The following HEG1 variants were observed in gnomAD, a reference collection of about 807,000 sequenced individuals.
HEG1 encodes the protein protein HEG homolog 1.
In HEG1, 56 loss-of-function variants were observed where a neutral mutation model predicts 125.6. The observed-to-expected ratio is 0.45, with a 90% CI of 0.36 to 0.56. The LOEUF (loss-of-function observed/expected upper bound fraction) is 0.56, where lower values mean the gene tolerates loss of function less well. Ranked by LOEUF, HEG1 falls within the 20% of genes least tolerant of loss-of-function variation. The probability of loss-of-function intolerance (pLI) is 0.00; values close to 1 mark genes in which losing one functional copy is unlikely to be tolerated. For missense variants in HEG1, 1,523 were observed against 1,670.0 expected, an observed-to-expected ratio of 0.91 and a Z score of 1.53; for synonymous variants, 644 against 668.5, an observed-to-expected ratio of 0.96 and a Z score of 0.57.
chr3:125,050,962 T>C (rs894323671), intron 1 of HEG1, among the ~76,000 whole-genome samples: 2 of 152,118 alleles, frequency 1.3e-5, no homozygotes, highest in African/African-American at 4.8e-5. Flanking sequence ...CTGCATGGAG[T>C]ACCATTTAAC....
Position 125,055,690 on chromosome 3 carries a change from C to T in HEG1, c.201G>A (p.Thr67=), listed in dbSNP as rs1048578723. 1.7e-5 allele frequency: 19 copies of T among 1,114,412 alleles called. No individual in the cohort carries two copies. The highest frequency in any genetic ancestry group is 1.9e-5 in the Non-Finnish European group (17 of 914,102). The allele number at this position is 1,114,412 out of a possible 1,614,324, so 69.0% of individuals were successfully genotyped here. Residue 67 remains threonine (T), a synonymous_variant, in exon 1 of 17, where the codon ACG becomes ACA. Transcript: ENST00000311127. The part of the protein sequence containing the change: ...ERRPEREPPP[T]PPRERRGPAT... ...CGGGCCCGCGGCGCTCCCGGGGCGG[C>T]GTGGGCGGCGGCTCGCGCTCCGGGC...
rs1382509469 is a variant in HEG1 at position 124,967,824 on chromosome 3, A to G, written c.*2828T>C. 6.6e-6 allele frequency: 1 copy of G among 152,252 alleles called. No homozygotes were observed. Among genetic ancestry groups the G allele is most frequent in the Non-Finnish European group, 1.5e-5 (1 of 68,108 alleles). The allele number at this position is 152,252 out of a possible 1,614,324, so 9.4% of individuals were successfully genotyped here. On this transcript the variant is annotated 3_prime_UTR_variant, in exon 17 of 17. Coordinates refer to ENST00000311127, the MANE Select transcript of HEG1 (RefSeq NM_020733.2). The stretch of plus-strand genomic sequence containing the variant: ...TAGGAGCATGTCAGTTCATCCGCCT[A>G]AAGAAACAGACTCCAGGGCCTTAGG...
At position 124,990,761 on chromosome 3, in the gene HEG1, ATAATGGTCCACT is replaced by A. The variant is rs1475660160; in HGVS notation, c.3733+14_3733+25del. 2 of 1,555,210 alleles carry A rather than the reference ATAATGGTCCACT, an allele frequency of 1.3e-6. No individual in the cohort carries two copies. The highest frequency in any genetic ancestry group is 2.7e-5 in the African/African-American group (2 of 73,266). On this transcript the variant is annotated intron_variant, in intron 14 of 16. Transcript: ENST00000311127. ...AACAGGGCCAGGCCCCTGCCCACGC[ATAATGGTCCACT>A]TTTGTACACTTACGGTTTCCACAGT... is the stretch of plus-strand genomic sequence containing the variant.
chr3:125,042,071 T>C (rs1937597714), intron 1 of HEG1, among the ~76,000 whole-genome samples: 2 of 152,210 alleles, frequency 1.3e-5, no homozygotes, highest in Admixed American at 1.3e-4. Flanking sequence ...CTGAACTGTA[T>C]ACTTAAAAAT....
chr3:124,984,270 C>T lies in HEG1; in HGVS notation c.3734-6324G>A, dbSNP rs112841988. ...CAGTGGGGAAGGCAGACTCTCACTC[C>T]CTGCTGGCTACACTGGGAGGCTGTG... On this transcript the variant is annotated intron_variant, in intron 14 of 16. Coordinates refer to ENST00000311127, the MANE Select transcript of HEG1 (RefSeq NM_020733.2). 3.6e-3 allele frequency among the ~76,000 whole-genome samples: 549 copies of T among 152,244 alleles called. 1 individual carries two copies. Among genetic ancestry groups the T allele is most frequent in the African/African-American group, 0.013 (520 of 41,550 alleles).
At chr3:125,053,167 G>A (rs1200467089) in intron 1 of HEG1, among the ~76,000 whole-genome samples, 1 of 152,170 alleles carries the variant, frequency 6.6e-6, no homozygotes, top group African/African-American at 2.4e-5. Context: ...GGTGCTGGAG[G>A]GGCAGACATT....
At chr3:124,978,295 G>A (rs765727946) in intron 14 of HEG1, among the ~76,000 whole-genome samples, 10 of 152,112 alleles carry the variant, frequency 6.6e-5, no homozygotes, top group Non-Finnish European at 8.8e-5. Flanking sequence ...CTACAGGTGC[G>A]TGCCACCAGG....
chr3:124,975,279 T>G (rs984705380), intron 15 of HEG1, among the ~76,000 whole-genome samples: 2 of 151,906 alleles, frequency 1.3e-5, no homozygotes, highest in Admixed American at 6.6e-5. Context: ...TTTTGGGAGG[T>G]TCCCCCCATC....
intron 14 of HEG1, among the ~76,000 whole-genome samples, chr3:124,978,927 T>C (rs1036819200): frequency 4.0e-5 from 6 of 151,788 alleles, no homozygotes; most frequent in East Asian, 3.9e-4. Flanking sequence ...TTAATGGTGA[T>C]AGTAGATATA....
chr3:124,987,785 G>A (rs1353984512), intron 14 of HEG1, among the ~76,000 whole-genome samples: 1 of 150,914 alleles, frequency 6.6e-6, no homozygotes, highest in Non-Finnish European at 1.5e-5. Context: ...CTCCCAAAGT[G>A]CTGAGATTAC....
At chr3:124,978,743 G>A (rs1936593257) in intron 14 of HEG1, among the ~76,000 whole-genome samples, 1 of 151,470 alleles carries the variant, frequency 6.6e-6, no homozygotes, top group Non-Finnish European at 1.5e-5. Flanking sequence ...CGAGGTTGCT[G>A]TGAGCCGAGA....
intron 12 of HEG1, among the ~76,000 whole-genome samples, chr3:124,993,538 C>T (rs1936865947): frequency 6.6e-6 from 1 of 152,132 alleles, no homozygotes; most frequent in South Asian, 2.1e-4. Context: ...TGCAGCAGGA[C>T]GTGGGAGTGG....
intron 1 of HEG1, among the ~76,000 whole-genome samples, chr3:125,038,089 G>A (rs894168677): frequency 6.6e-6 from 1 of 152,198 alleles, no homozygotes; most frequent in Non-Finnish European, 1.5e-5. Context: ...ACCTTGGCAG[G>A]CACTGCTAAT....
chr3:125,041,714 T>A (rs1008225164), intron 1 of HEG1, among the ~76,000 whole-genome samples: 1 of 152,196 alleles, frequency 6.6e-6, no homozygotes, highest in Non-Finnish European at 1.5e-5. Flanking sequence ...TATCAGTAGA[T>A]GAAAGGATAA....
rs560004340 is a variant in HEG1, at chr3:125,032,111, C to T, written c.317-2623G>A. ...AAAATCCAGTGAATGTTTTAGGAGC[C>T]ACATCTCAAGAGCTCCATAGCCACA... On this transcript the variant is annotated intron_variant, in intron 1 of 16. Coordinates refer to ENST00000311127, the MANE Select transcript of HEG1 (RefSeq NM_020733.2). Among the ~76,000 whole-genome samples, 4 of 152,126 alleles carry T rather than the reference C, an allele frequency of 2.6e-5. No homozygotes were observed. In the East Asian group the frequency reaches 7.7e-4, roughly 29 times the overall value.
At chr3:124,993,552 A>G (rs6438866) in intron 12 of HEG1, among the ~76,000 whole-genome samples, 38,034 of 151,964 alleles carry the variant, frequency 0.25, 4,919 homozygotes, top group East Asian at 0.36. Context: ...GGAGTGGGGG[A>G]AGCTACCCTG....
At chr3:124,993,678 C>G (rs11715696) in intron 12 of HEG1, among the ~76,000 whole-genome samples, 5,070 of 152,292 alleles carry the variant, frequency 0.033, 143 homozygotes, top group Non-Finnish European at 0.048. Flanking sequence ...CCAGCCTTTT[C>G]TATTTTGAAC....
intron 1 of HEG1, among the ~76,000 whole-genome samples, chr3:125,032,730 G>GT (rs1430705728): frequency 1.4e-4 from 21 of 152,250 alleles, no homozygotes. Flanking sequence ...ACAGAGAGAA[G>GT]TGATTGTAGG....
chr3:124,970,704 T>C lies in HEG1; in HGVS notation c.4094A>G (p.Gln1365Arg). Residue 1365 changes from glutamine to arginine, a missense_variant, in exon 17 of 17, where the codon CAG becomes CGG. Coordinates refer to ENST00000311127, the MANE Select transcript of HEG1 (RefSeq NM_020733.2). ...ATCACTGATGAAAGACGGGTTATAC[T>C]GTCCGGGGAAAATGCAAGAATGCCG... is the stretch of plus-strand genomic sequence containing the variant. The part of the protein sequence containing the change: ...GSRHSCIFPG[Q>R]YNPSFISDES... 1.9e-6 allele frequency: 3 copies of C among 1,609,224 alleles called. No individual in the cohort carries two copies. The highest frequency in any genetic ancestry group is 2.5e-6 in the Non-Finnish European group (3 of 1,177,828).
Sources: gnomAD v4.1 joint callset for allele counts (sites outside exome capture counted in the v4.1 genomes callset) on GRCh38, gnomAD v4.1.1 for gene constraint, MANE v1.5 for transcripts, NCBI Gene and HGNC (gene_info 2026-07-23, HGNC 2026-07-21) for gene names.